TM9SF3: variants seen among roughly 807,000 people sequenced by gnomAD.
The protein encoded by TM9SF3 is SM-11044-binding protein.
A neutral mutation model predicts 78.6 loss-of-function variants in TM9SF3; 14 were observed. The observed-to-expected ratio is 0.18, with a 90% CI of 0.12 to 0.28. The LOEUF is 0.28. Ranked by LOEUF, TM9SF3 falls within the 10% of genes least tolerant of loss-of-function variation. TM9SF3 has a pLI of 1.00. For missense variants in TM9SF3, 496 were observed against 721.9 expected, an observed-to-expected ratio of 0.69 and a Z score of 3.59; for synonymous variants, 231 against 241.7, an observed-to-expected ratio of 0.96 and a Z score of 0.41.
chr10:96,554,302 T>C (rs1848208762), intron 5 of TM9SF3, among the ~76,000 whole-genome samples: 1 of 152,180 alleles, frequency 6.6e-6, no homozygotes, highest in African/African-American at 2.4e-5. Context: ...CTCCCGATCC[T>C]TTCAATGTCA....
At chr10:96,557,498 C>A (rs944771968) in intron 5 of TM9SF3, among the ~76,000 whole-genome samples, 1 of 98,236 alleles carries the variant, frequency 1.0e-5, no homozygotes, top group Non-Finnish European at 2.1e-5. Flanking sequence ...TAATTTGATC[C>A]TTTAAAAACA....
chr10:96,584,042 C>G (rs1032455504), intron 1 of TM9SF3, among the ~76,000 whole-genome samples: 1 of 151,226 alleles, frequency 6.6e-6, no homozygotes, highest in Non-Finnish European at 1.5e-5. Flanking sequence ...CTCAAAAAAA[C>G]AAAACAAAAC....
intron 4 of TM9SF3, among the ~76,000 whole-genome samples, chr10:96,559,953 G>A (rs888437760): frequency 6.6e-6 from 1 of 152,134 alleles, no homozygotes; most frequent in Non-Finnish European, 1.5e-5. Flanking sequence ...TTCCTCAGAG[G>A]GGTGATTTCA....
At chr10:96,531,077 T>C (rs1268766039) in intron 10 of TM9SF3, among the ~76,000 whole-genome samples, 4 of 152,198 alleles carry the variant, frequency 2.6e-5, no homozygotes, top group Non-Finnish European at 5.9e-5. Flanking sequence ...CTACAAATTA[T>C]ACAATTAAGG....
At chr10:96,532,402 A>T (rs61858496) in intron 10 of TM9SF3, among the ~76,000 whole-genome samples, 16,802 of 152,026 alleles carry the variant, frequency 0.11, 1,066 homozygotes, top group Non-Finnish European at 0.15. Context: ...GACAGAGCAA[A>T]ATTATCACCT....
chr10:96,586,849 C>G lies in TM9SF3; in HGVS notation c.-14G>C. ...CAGCGGCCTCATCCTCCGCGCCCCT[C>G]CGGCCCGGAGCCGGCTCACCGACTC... On this transcript the variant is annotated 5_prime_UTR_variant, in exon 1 of 15. Transcript: ENST00000371142. 1 of 1,207,398 alleles carries G rather than the reference C, an allele frequency of 8.3e-7. No individual in the cohort carries two copies. The highest frequency in any genetic ancestry group is 3.5e-5 in the East Asian group (1 of 28,552). 74.8% of individuals were successfully genotyped at this position (1,207,398 alleles called of 1,614,324 possible).
At chr10:96,547,777 A>ACG in intron 8 of TM9SF3, 118 bp downstream of exon 8, 4 of 790,478 alleles carry the variant, frequency 5.1e-6, no homozygotes, top group Non-Finnish European at 8.2e-6. Flanking sequence ...CAGAGATTGC[A>ACG]CCACTGCACT....
At chr10:96,555,422 C>G (rs983413703) in intron 5 of TM9SF3, among the ~76,000 whole-genome samples, 1 of 152,204 alleles carries the variant, frequency 6.6e-6, no homozygotes. Flanking sequence ...CATGAAACCT[C>G]TTATCTACAT....
intron 9 of TM9SF3, 45 bp from the exon 10 acceptor site, chr10:96,533,235 A>T: frequency 6.3e-7 from 1 of 1,577,150 alleles, no homozygotes; most frequent in African/African-American, 1.4e-5. Context: ...GAACAATAAC[A>T]TTAATATAAA....
intron 8 of TM9SF3, among the ~76,000 whole-genome samples, chr10:96,544,783 G>A (rs147319952): frequency 1.7e-4 from 26 of 151,504 alleles, no homozygotes; most frequent in African/African-American, 5.6e-4. Context: ...AAAGAACCTC[G>A]CAAGAAACCC....
chr10:96,572,403 T>A (rs1225685723), intron 2 of TM9SF3, among the ~76,000 whole-genome samples: 1 of 151,980 alleles, frequency 6.6e-6, no homozygotes, highest in African/African-American at 2.4e-5. Flanking sequence ...AAAGCACATC[T>A]TCTATTCCAC....
At chr10:96,586,670 G>C (rs1293840122) in intron 1 of TM9SF3, 64 bp downstream of exon 1, 1 of 1,187,472 alleles carries the variant, frequency 8.4e-7, no homozygotes, top group South Asian at 4.1e-5. Context: ...GGCTGCGTGG[G>C]GCCTGCCTCA....
At chr10:96,581,709 C>G (rs1355660111) in intron 1 of TM9SF3, among the ~76,000 whole-genome samples, 2 of 152,160 alleles carry the variant, frequency 1.3e-5, no homozygotes, top group South Asian at 4.1e-4. Flanking sequence ...TTTAAGAGTT[C>G]CTATACTCCC....
In TM9SF3 at chr10:96,550,035, A is replaced by C. The variant is rs568293546; in HGVS notation, c.959+1210T>G. ...AAATGTTTTCTTATATTTAGGGTCC[A>C]GCTTATCTGAAATACATTATGCCCG... On this transcript the variant is annotated intron_variant, in intron 7 of 14. Coordinates refer to ENST00000371142, the MANE Select transcript of TM9SF3 (RefSeq NM_020123.4). Among the ~76,000 whole-genome samples the C allele has an allele frequency of 2.0e-5, 3 of 152,316 alleles. No individual in the cohort carries two copies. The South Asian group carries it at 6.2e-4, about 32-fold the overall frequency.
At chr10:96,581,501 A>G (rs927833266) in intron 1 of TM9SF3, among the ~76,000 whole-genome samples, 2 of 152,256 alleles carry the variant, frequency 1.3e-5, no homozygotes, top group Non-Finnish European at 2.9e-5. Context: ...CAAATAAATT[A>G]GAAATGTAAT....
intron 9 of TM9SF3, among the ~76,000 whole-genome samples, chr10:96,543,337 T>C (rs1848055943): frequency 1.3e-5 from 1 of 76,612 alleles, no homozygotes; most frequent in Non-Finnish European, 2.6e-5. Context: ...AAATGCTTAG[T>C]GAGATTCTTT....
chr10:96,542,528 G>A (rs1298043096), intron 9 of TM9SF3, among the ~76,000 whole-genome samples: 3 of 151,912 alleles, frequency 2.0e-5, no homozygotes, highest in Non-Finnish European at 4.4e-5. Context: ...CAATTTTAGC[G>A]AGACAAAGCA....
Position 96,586,816 on chromosome 10 carries a change from G to C in TM9SF3, c.20C>G (p.Ala7Gly), listed in dbSNP as rs577858829. Reference sequence around the variant, plus strand: ...CGCGGCGGCCGCCGCCACGCCAAGAGCGCCAGGCAGCGGCCTCATCCTCCG... The same window carrying C: ...CGCGGCGGCCGCCGCCACGCCAAGACCGCCAGGCAGCGGCCTCATCCTCCG... MRPLPG[A>G]LGVAAAAALW... is the part of the protein sequence containing the mutation. Residue 7 changes from alanine to glycine, a missense_variant, in exon 1 of 15, where the codon GCT becomes GGT. Physicochemically the swap from Ala to Gly is moderately conservative, Grantham distance 60. Coordinates refer to ENST00000371142, the MANE Select transcript of TM9SF3 (RefSeq NM_020123.4). The C allele has an allele frequency of 1.1e-5, 14 of 1,255,516 alleles. No homozygotes were observed. In the East Asian group the frequency reaches 3.7e-4, roughly 33 times the overall value. 77.8% of individuals were successfully genotyped at this position (1,255,516 alleles called of 1,614,324 possible).
intron 7 of TM9SF3, among the ~76,000 whole-genome samples, chr10:96,548,448 C>T (rs1386569349): frequency 6.6e-6 from 1 of 152,126 alleles, no homozygotes; most frequent in Admixed American, 6.6e-5. Context: ...ATATTAAATA[C>T]TATTATTTTA....
Sources: gnomAD v4.1 joint callset for allele counts (sites outside exome capture counted in the v4.1 genomes callset) on GRCh38, gnomAD v4.1.1 for gene constraint, MANE v1.5 for transcripts, NCBI Gene and HGNC (gene_info 2026-07-23, HGNC 2026-07-21) for gene names.